The following VTI1A variants were observed in gnomAD, a reference collection of about 807,000 sequenced individuals.
VTI1A encodes the protein vesicle transport through interaction with t-SNAREs homolog 1A.
Under a neutral mutation model 34.9 loss-of-function variants are expected in VTI1A, and 22 were observed. That is an observed-to-expected ratio of 0.63 (90% CI 0.45 to 0.90). The LOEUF is 0.90. Among genes scored for constraint, VTI1A ranks in the 40% least tolerant of loss-of-function variants. The pLI is 0.00. For synonymous variants in VTI1A, 87 were observed against 97.3 expected (o/e 0.89, Z 0.62); for missense variants, 268 against 275.6 (o/e 0.97, Z 0.20).
chr10:112,623,753 G>T (rs1196674602), intron 5 of VTI1A, among the ~76,000 whole-genome samples: 1 of 152,060 alleles, frequency 6.6e-6, no homozygotes, highest in Non-Finnish European at 1.5e-5. Context: ...CTTCAGGAGG[G>T]GCTAGAAAAA....
the VTI1A span, among the ~76,000 whole-genome samples, chr10:112,827,982 T>C: frequency 1.3e-5 from 2 of 152,210 alleles, no homozygotes; most frequent in Non-Finnish European, 2.9e-5. Flanking sequence ...ATCTGAGCTC[T>C]CATTCTCTCA....
intron 7 of VTI1A, among the ~76,000 whole-genome samples, chr10:112,784,250 A>G (rs1283152825): frequency 6.6e-6 from 1 of 152,210 alleles, no homozygotes; most frequent in Non-Finnish European, 1.5e-5. Flanking sequence ...CTGCCGGTAT[A>G]TTCCTTACAC....
At chr10:112,597,363 G>A (rs889142328) in intron 5 of VTI1A, among the ~76,000 whole-genome samples, 2 of 152,000 alleles carry the variant, frequency 1.3e-5, no homozygotes, top group East Asian at 1.9e-4. Context: ...GATTACAGGC[G>A]TGCGTCACCA....
the VTI1A span, chr10:112,831,180 TGAA>T: frequency 6.6e-6 from 1 of 152,022 alleles, no homozygotes. Context: ...GTTGAATGAA[TGAA>T]TGAATGAATG....
intron 3 of VTI1A, among the ~76,000 whole-genome samples, chr10:112,491,534 T>G (rs1336908347): frequency 6.6e-6 from 1 of 152,218 alleles, no homozygotes; most frequent in African/African-American, 2.4e-5. Context: ...AACTTTAAGT[T>G]TTCTAGTAAC....
rs561383893 is a variant in VTI1A at position 112,605,008 on chromosome 10, A to G, written c.428-63210A>G. Reference sequence around the variant, plus strand: ...AAAATTTGTGCAGGAAAAATTAAAAAGTCAACATAGAATTCCTTTCGGTAT... The same window carrying G: ...AAAATTTGTGCAGGAAAAATTAAAAGGTCAACATAGAATTCCTTTCGGTAT... On this transcript the variant is annotated intron_variant, in intron 5 of 7. Coordinates refer to ENST00000393077, the MANE Select transcript of VTI1A (RefSeq NM_145206.4). 1.1e-4 allele frequency among the ~76,000 whole-genome samples: 16 copies of G among 152,206 alleles called. 1 individual carries two copies. The highest frequency in any genetic ancestry group is 2.4e-4 in the Non-Finnish European group (16 of 68,036).
At chr10:112,558,615 G>A (rs552674266) in intron 5 of VTI1A, among the ~76,000 whole-genome samples, 25 of 152,292 alleles carry the variant, frequency 1.6e-4, no homozygotes, top group African/African-American at 5.8e-4. Context: ...CCTGGCCTGT[G>A]CAGCTTTGGC....
chr10:112,688,174 G>A lies in VTI1A; in HGVS notation c.560+19176G>A, dbSNP rs1232426712. Among the ~76,000 whole-genome samples, 4 of 151,504 alleles carry A rather than the reference G, an allele frequency of 2.6e-5. No individual in the cohort carries two copies. In the East Asian group the frequency reaches 5.9e-4, roughly 22 times the overall value. Reference sequence around the variant, plus strand: ...TCACCTTGTTGGCCAGGCTGGTCTCGAACTCCTGACCTCAGGTAATCTGCC... The same window carrying A: ...TCACCTTGTTGGCCAGGCTGGTCTCAAACTCCTGACCTCAGGTAATCTGCC... On this transcript the variant is annotated intron_variant, in intron 7 of 7. Coordinates refer to ENST00000393077, the MANE Select transcript of VTI1A (RefSeq NM_145206.4).
At chr10:112,852,452 C>G in the VTI1A span, among the ~76,000 whole-genome samples, 2 of 152,212 alleles carry the variant, frequency 1.3e-5, no homozygotes, top group African/African-American at 4.8e-5. Flanking sequence ...GAGATTTCCT[C>G]TCCAGCAGGG....
intron 7 of VTI1A, among the ~76,000 whole-genome samples, chr10:112,728,005 G>A (rs1850102507): frequency 6.6e-6 from 1 of 151,946 alleles, no homozygotes; most frequent in Non-Finnish European, 1.5e-5. Flanking sequence ...TACCCAGTAG[G>A]GTCCATTCCA....
chr10:112,791,051 A>G (rs1852456340), intron 7 of VTI1A, among the ~76,000 whole-genome samples: 1 of 152,118 alleles, frequency 6.6e-6, no homozygotes, highest in African/African-American at 2.4e-5. Context: ...TCCTTCCACC[A>G]TCAGGGTGTA....
At chr10:112,791,316 A>G (rs1258706561) in intron 7 of VTI1A, among the ~76,000 whole-genome samples, 1 of 152,208 alleles carries the variant, frequency 6.6e-6, no homozygotes, top group African/African-American at 2.4e-5. Context: ...AAGACTAACC[A>G]CTTGGATATC....
intron 3 of VTI1A, among the ~76,000 whole-genome samples, chr10:112,474,661 C>G (rs1848220109): frequency 6.6e-6 from 1 of 151,310 alleles, no homozygotes; most frequent in African/African-American, 2.4e-5. Context: ...CTCCCTATGT[C>G]ACCCAGGCTG....
chr10:112,809,139 A>G (rs377617316), intron 7 of VTI1A, among the ~76,000 whole-genome samples: 3 of 152,352 alleles, frequency 2.0e-5, no homozygotes, highest in African/African-American at 7.2e-5. Flanking sequence ...GATGCAGGAC[A>G]TAGAAGACCC....
intron 7 of VTI1A, among the ~76,000 whole-genome samples, chr10:112,771,486 CTTTGTGTAG>C (rs933713954): frequency 7.1e-4 from 108 of 152,320 alleles, no homozygotes; most frequent in African/African-American, 2.5e-3. Context: ...TGTGCAAGAG[CTTTGTGTAG>C]TTTGGTGGTT....
chr10:112,711,026 A>T (rs1398504383), intron 7 of VTI1A, among the ~76,000 whole-genome samples: 2 of 152,238 alleles, frequency 1.3e-5, no homozygotes, highest in Non-Finnish European at 2.9e-5. Flanking sequence ...ATAACATTTT[A>T]AACCACTGCA....
chr10:112,824,931 T>C, the VTI1A span: 1 of 152,256 alleles, frequency 6.6e-6, no homozygotes, highest in African/African-American at 2.4e-5. Context: ...GTCTGTGGTT[T>C]GTAGAACCTT....
At chr10:112,571,906 C>G (rs1361690036) in intron 5 of VTI1A, among the ~76,000 whole-genome samples, 2 of 152,128 alleles carry the variant, frequency 1.3e-5, no homozygotes, top group African/African-American at 4.8e-5. Context: ...GCCACATATT[C>G]TCACTTAAAA....
At chr10:112,581,710 C>G (rs1843949513) in intron 5 of VTI1A, among the ~76,000 whole-genome samples, 1 of 152,120 alleles carries the variant, frequency 6.6e-6, no homozygotes, top group Non-Finnish European at 1.5e-5. Context: ...TTCCTGTTAG[C>G]AAATAGCACT....
Sources: gnomAD v4.1 joint callset for allele counts (sites outside exome capture counted in the v4.1 genomes callset) on GRCh38, gnomAD v4.1.1 for gene constraint, MANE v1.5 for transcripts, NCBI Gene and HGNC (gene_info 2026-07-23, HGNC 2026-07-21) for gene names.